TTC28: variants seen among roughly 807,000 people sequenced by gnomAD.
TTC28 encodes tetratricopeptide repeat protein 28.
A neutral mutation model predicts 198.0 loss-of-function variants in TTC28; 61 were observed. The ratio of observed to expected loss-of-function variants is 0.31; its 90% confidence interval spans 0.25 to 0.38. TTC28 has a LOEUF of 0.38. Ranked by LOEUF, TTC28 falls within the 10% of genes least tolerant of loss-of-function variation. TTC28 has a pLI of 1.00. For missense variants in TTC28, 2,678 were observed against 3,164.0 expected (o/e 0.85, Z 3.69); for synonymous variants, 1,171 against 1,297.8 (o/e 0.90, Z 2.10).
At chr22:28,675,444 C>T (rs1376161785) in intron 1 of TTC28, among the ~76,000 whole-genome samples, 2 of 151,998 alleles carry the variant, frequency 1.3e-5, no homozygotes, top group African/African-American at 4.8e-5. Flanking sequence ...ACTTTTTTGG[C>T]ATCAGAGGAC....
intron 2 of TTC28, among the ~76,000 whole-genome samples, chr22:28,427,581 A>T (rs201994654): frequency 6.6e-6 from 1 of 152,332 alleles, no homozygotes; most frequent in East Asian, 1.9e-4. Context: ...TGAACCGAGG[A>T]GGCGGAGCTT....
chr22:28,123,430 AT>A (rs1290000660), intron 6 of TTC28, among the ~76,000 whole-genome samples: 1 of 151,628 alleles, frequency 6.6e-6, no homozygotes, highest in Non-Finnish European at 1.5e-5. Flanking sequence ...TAATTTTTGT[AT>A]TTTTTAGTAG....
At chr22:28,206,678 GA>G (rs1926434476) in intron 5 of TTC28, among the ~76,000 whole-genome samples, 1 of 152,074 alleles carries the variant, frequency 6.6e-6, no homozygotes, top group South Asian at 2.1e-4. Context: ...AGGGTTTCAT[GA>G]ACAAAAGAAA....
At chr22:28,613,212 A>G (rs1048427302) in intron 2 of TTC28, among the ~76,000 whole-genome samples, 1 of 152,208 alleles carries the variant, frequency 6.6e-6, no homozygotes, top group Non-Finnish European at 1.5e-5. Flanking sequence ...AAATGGATAA[A>G]TTCCTGGACA....
At chr22:28,065,005 TG>T (rs1158616476) in intron 12 of TTC28, among the ~76,000 whole-genome samples, 1 of 152,236 alleles carries the variant, frequency 6.6e-6, no homozygotes. Flanking sequence ...AGTGTACTGA[TG>T]CATCATTTTG....
At chr22:28,214,634 A>G (rs1927226965) in intron 5 of TTC28, among the ~76,000 whole-genome samples, 1 of 152,256 alleles carries the variant, frequency 6.6e-6, no homozygotes, top group African/African-American at 2.4e-5. Flanking sequence ...AGGAAACAAC[A>G]GATGCTGGAG....
intron 2 of TTC28, among the ~76,000 whole-genome samples, chr22:28,611,495 C>CTTTT (rs373893099): frequency 1.0e-3 from 128 of 126,702 alleles, no homozygotes; most frequent in East Asian, 7.0e-3. Context: ...AAATAAAAGC[C>CTTTT]TTTTTTTTAA....
At chr22:28,438,291 T>C (rs1478819899) in intron 2 of TTC28, among the ~76,000 whole-genome samples, 1 of 152,224 alleles carries the variant, frequency 6.6e-6, no homozygotes, top group Admixed American at 6.5e-5. Context: ...TACTCCATCA[T>C]AGAGAAAGCA....
At chr22:28,101,782 TAAAAAAAA>T (rs11459818) in intron 8 of TTC28, among the ~76,000 whole-genome samples, 30 of 53,130 alleles carry the variant, frequency 5.6e-4, no homozygotes, top group Admixed American at 5.0e-3. Context: ...CCATCTCTGT[TAAAAAAAA>T]AAAAAAAAAA....
Position 28,674,265 on chromosome 22 carries a change from GT to G in TTC28, c.102+5356del, listed in dbSNP as rs943369337. On this transcript the variant is annotated intron_variant, in intron 1 of 22. Transcript: ENST00000397906. ...TTCTGTTTGTGGTTTTTTCTTTGTG[GT>G]TTTTTTTTTTTTTTTTTTTGGTCTG... Among the ~76,000 whole-genome samples, 716 of 107,646 alleles carry G rather than the reference GT, an allele frequency of 6.7e-3. 1 individual carries two copies. The highest frequency in any genetic ancestry group is 0.031 in the East Asian group (109 of 3,464). 70.6% of individuals were successfully genotyped at this position (107,646 alleles called of 152,430 possible).
rs895504163 is a variant in TTC28 at position 28,014,225 on chromosome 22, T to C, written c.4218+23A>G. On this transcript the variant is annotated intron_variant, in intron 14 of 22. Coordinates refer to ENST00000397906, the MANE Select transcript of TTC28 (RefSeq NM_001145418.2). ...CGATGTGTTCTGATGCGGAGGAGCC[T>C]TGTGCCCCCAGGAGGTGCTTACCCC... 24 of 1,543,494 alleles carry C rather than the reference T, an allele frequency of 1.6e-5. No homozygotes were observed. The African/African-American group carries it at 3.2e-4, about 20-fold the overall frequency.
chr22:28,223,809 G>C (rs1183280396), intron 5 of TTC28, among the ~76,000 whole-genome samples: 2 of 152,142 alleles, frequency 1.3e-5, no homozygotes, highest in East Asian at 1.9e-4. Context: ...TCACAAGAAA[G>C]TTATAAAACC....
At chr22:28,578,532 C>T (rs928475803) in intron 2 of TTC28, among the ~76,000 whole-genome samples, 7 of 152,128 alleles carry the variant, frequency 4.6e-5, no homozygotes, top group Non-Finnish European at 8.8e-5. Context: ...CCCACCACTA[C>T]AGGAACACCA....
intron 1 of TTC28, among the ~76,000 whole-genome samples, chr22:28,635,257 G>A (rs2051251183): frequency 6.6e-6 from 1 of 152,102 alleles, no homozygotes; most frequent in Non-Finnish European, 1.5e-5. Context: ...GGAGGTGGAG[G>A]TTGCAGTGAG....
At chr22:28,162,572 G>A (rs1347526311) in intron 6 of TTC28, among the ~76,000 whole-genome samples, 1 of 152,086 alleles carries the variant, frequency 6.6e-6, no homozygotes, top group Non-Finnish European at 1.5e-5. Flanking sequence ...TGTTTTTCCA[G>A]TATCTCAGAA....
chr22:28,540,798 C>T (rs1454527805), intron 2 of TTC28, among the ~76,000 whole-genome samples: 1 of 152,128 alleles, frequency 6.6e-6, no homozygotes, highest in African/African-American at 2.4e-5. Flanking sequence ...GTCTAATATG[C>T]TTCCTTCATT....
chr22:28,148,702 T>C (rs1943536887), intron 6 of TTC28, among the ~76,000 whole-genome samples: 1 of 152,092 alleles, frequency 6.6e-6, no homozygotes, highest in Admixed American at 6.5e-5. Flanking sequence ...TCTAGAGTAT[T>C]AAAGAATTTT....
chr22:28,519,663 C>G (rs566705075), intron 2 of TTC28, among the ~76,000 whole-genome samples: 1 of 152,316 alleles, frequency 6.6e-6, no homozygotes, highest in South Asian at 2.1e-4. Context: ...TTTCCTTTCA[C>G]CAATCACCTG....
At chr22:28,355,421 A>C (rs1204540260) in intron 2 of TTC28, among the ~76,000 whole-genome samples, 1 of 152,220 alleles carries the variant, frequency 6.6e-6, no homozygotes, top group Non-Finnish European at 1.5e-5. Context: ...TATCTACACA[A>C]TACTTACCTT....
Sources: allele counts gnomAD v4.1 joint callset (sites outside exome capture counted in the v4.1 genomes callset), GRCh38; gene constraint gnomAD v4.1.1; transcripts MANE v1.5; gene names NCBI Gene and HGNC (gene_info 2026-07-23, HGNC 2026-07-21).